Variants in ZCWPW2 observed in about 807,000 individuals in gnomAD.
ZCWPW2 encodes zinc finger CW-type PWWP domain protein 2.
A neutral mutation model predicts 46.6 loss-of-function variants in ZCWPW2; 45 were observed. The observed-to-expected ratio is 0.96, with a 90% CI of 0.76 to 1.24. The LOEUF is 1.24. Ranked by LOEUF, ZCWPW2 falls within the 50% of genes most tolerant of loss-of-function variation. The pLI is 0.00. For missense variants in ZCWPW2, 429 were observed against 403.9 expected (o/e 1.06, Z -0.53); for synonymous variants, 152 against 137.1 (o/e 1.11, Z -0.76).
At chr3:28,447,877 A>G in intron 4 of ZCWPW2, 2 of 989,000 alleles carry the variant, frequency 2.0e-6, no homozygotes, top group Non-Finnish European at 3.2e-6. Flanking sequence ...GTGCCCAGGC[A>G]GACTTAGAGG....
At chr3:28,386,841 G>C (rs925637617) in intron 1 of ZCWPW2, among the ~76,000 whole-genome samples, 1 of 151,842 alleles carries the variant, frequency 6.6e-6, no homozygotes, top group African/African-American at 2.4e-5. Context: ...TTTGTGATTG[G>C]GTGATCAACT....
At chr3:28,399,237 C>T (rs1283338716) in intron 2 of ZCWPW2, among the ~76,000 whole-genome samples, 1 of 152,120 alleles carries the variant, frequency 6.6e-6, no homozygotes, top group Non-Finnish European at 1.5e-5. Context: ...ACTGCTTTGA[C>T]CTGGGAACCT....
At chr3:28,513,033 C>T (rs1349986038) in intron 6 of ZCWPW2, among the ~76,000 whole-genome samples, 1 of 152,186 alleles carries the variant, frequency 6.6e-6, no homozygotes, top group Non-Finnish European at 1.5e-5. Context: ...TTCCAGAACT[C>T]CAGAAGTGTT....
intron 2 of ZCWPW2, among the ~76,000 whole-genome samples, chr3:28,406,781 G>A (rs897119885): frequency 6.8e-6 from 1 of 148,042 alleles, no homozygotes; most frequent in African/African-American, 2.5e-5. Context: ...ATTTTTGTAC[G>A]TTACATGCAT....
At chr3:28,461,124 T>A (rs550567442) in intron 4 of ZCWPW2, 1 of 166,734 alleles carries the variant, frequency 6.0e-6, no homozygotes, top group East Asian at 1.6e-4. Context: ...ATTTTAAATA[T>A]ATAAACATTG....
intron 4 of ZCWPW2, among the ~76,000 whole-genome samples, chr3:28,468,667 T>G (rs573532827): frequency 6.6e-6 from 1 of 152,284 alleles, no homozygotes; most frequent in South Asian, 2.1e-4. Flanking sequence ...GCATGACATA[T>G]TTGAAGTGCT....
At chr3:28,400,491 A>G (rs1181834534) in intron 2 of ZCWPW2, among the ~76,000 whole-genome samples, 3 of 152,208 alleles carry the variant, frequency 2.0e-5, no homozygotes, top group Admixed American at 2.0e-4. Flanking sequence ...ATAGTCATCA[A>G]GTTATCTAAA....
At chr3:28,382,869 A>G (rs148370329) in intron 1 of ZCWPW2, among the ~76,000 whole-genome samples, 2 of 152,124 alleles carry the variant, frequency 1.3e-5, no homozygotes, top group Admixed American at 1.3e-4. Context: ...CACATTAAGA[A>G]GTAATAGTTG....
intron 1 of ZCWPW2, among the ~76,000 whole-genome samples, chr3:28,374,007 G>A (rs115825176): frequency 0.011 from 1,681 of 152,118 alleles, 38 homozygotes; most frequent in African/African-American, 0.039. Flanking sequence ...GATCTTATTT[G>A]TTTATTTTTG....
chr3:28,447,847 A>G, intron 4 of ZCWPW2: 1 of 1,042,590 alleles, frequency 9.6e-7, no homozygotes, highest in Non-Finnish European at 1.5e-6. Flanking sequence ...TTGGGAAAGC[A>G]CCAAATCTGC....
chr3:28,393,097 A>C (rs1330990722), intron 2 of ZCWPW2, among the ~76,000 whole-genome samples: 1 of 152,038 alleles, frequency 6.6e-6, no homozygotes. Context: ...GAAATAAAAT[A>C]AGAAATGAAA....
intron 1 of ZCWPW2, among the ~76,000 whole-genome samples, chr3:28,384,896 G>A (rs573795294): frequency 8.5e-5 from 13 of 152,236 alleles, no homozygotes; most frequent in African/African-American, 2.2e-4. Context: ...GATTACAGGC[G>A]TGAGCCACCG....
intron 3 of ZCWPW2, among the ~76,000 whole-genome samples, chr3:28,419,911 C>T: frequency 2.6e-5 from 3 of 116,976 alleles, no homozygotes; most frequent in Non-Finnish European, 5.2e-5. Flanking sequence ...ACATCACACA[C>T]CGGGGACTGT....
Position 28,390,625 on chromosome 3 carries a change from C to T in ZCWPW2, c.-14+8C>T, listed in dbSNP as rs1248856357. On this transcript the variant is annotated splice_region_variant and intron_variant, in intron 2 of 9. Coordinates refer to ENST00000383768, the MANE Select transcript of ZCWPW2 (RefSeq NM_001040432.4). The stretch of plus-strand genomic sequence containing the variant: ...AAAGAAAAGTCTAACTCCGTAAGTA[C>T]TTGAGAAACTCCAAAATGTTTTTCT... 1 of 985,342 alleles carries T rather than the reference C, an allele frequency of 1.0e-6. No homozygotes were observed. The highest frequency in any genetic ancestry group is 1.2e-6 in the Non-Finnish European group (1 of 829,912). 61.0% of individuals were successfully genotyped at this position (985,342 alleles called of 1,614,324 possible).
Position 28,516,255 on chromosome 3 carries a change from C to CAATAAATAAATA in ZCWPW2, c.784+673_784+684dup, listed in dbSNP as rs56931163. On this transcript the variant is annotated intron_variant, in intron 8 of 9. Transcript: ENST00000383768. ...AGAATGACAGAACAAGATTCCCTCT[C>CAATAAATAAATA]AATAAATAAATAAATAAATAAATAA... 1.5e-3 allele frequency among the ~76,000 whole-genome samples: 208 copies of CAATAAATAAATA among 140,188 alleles called. 1 individual carries two copies. Among genetic ancestry groups the CAATAAATAAATA allele is most frequent in the African/African-American group, 2.6e-3 (96 of 37,536 alleles). 92.0% of individuals were successfully genotyped at this position (140,188 alleles called of 152,430 possible).
chr3:28,416,786 G>C (rs1354470477), intron 3 of ZCWPW2, among the ~76,000 whole-genome samples: 1 of 95,640 alleles, frequency 1.0e-5, no homozygotes, highest in Non-Finnish European at 2.1e-5. Context: ...TGTGGTTTCT[G>C]TCTTTGGTTC....
At chr3:28,463,203 C>T (rs1440346655) in intron 4 of ZCWPW2, among the ~76,000 whole-genome samples, 1 of 152,058 alleles carries the variant, frequency 6.6e-6, no homozygotes, top group Non-Finnish European at 1.5e-5. Context: ...CTTCCTTTAT[C>T]CTCCACTGAA....
At chr3:28,457,280 T>G (rs1411645860) in intron 4 of ZCWPW2, among the ~76,000 whole-genome samples, 1 of 152,222 alleles carries the variant, frequency 6.6e-6, no homozygotes, top group Non-Finnish European at 1.5e-5. Context: ...TTACCTAGAT[T>G]TCCCACCTGC....
intron 1 of ZCWPW2, among the ~76,000 whole-genome samples, chr3:28,354,160 C>T (rs533859059): frequency 6.6e-6 from 1 of 151,522 alleles, no homozygotes; most frequent in Non-Finnish European, 1.5e-5. Flanking sequence ...AAGAAATTCC[C>T]TTTCATGGGG....
Sources: gnomAD v4.1 joint callset for allele counts (sites outside exome capture counted in the v4.1 genomes callset) on GRCh38, gnomAD v4.1.1 for gene constraint, MANE v1.5 for transcripts, NCBI Gene and HGNC (gene_info 2026-07-23, HGNC 2026-07-21) for gene names.